Variants in RARB observed in about 807,000 individuals in gnomAD.
The protein encoded by RARB is retinoic acid receptor beta.
RARB carries 17 observed loss-of-function variants against 51.9 expected under a neutral mutation model. That is an observed-to-expected ratio of 0.33 (90% confidence interval 0.22 to 0.49). The LOEUF (loss-of-function observed/expected upper bound fraction) is 0.49. RARB is among the 20% of genes least tolerant of loss of function. The pLI is 0.99. For synonymous variants in RARB, 215 were observed against 195.4 expected (o/e 1.10, Z -0.84); for missense variants, 369 against 550.8 (o/e 0.67, Z 3.30).
At chr3:24,910,506 A>G (rs1364941294) in intron 2 of RARB, among the ~76,000 whole-genome samples, 2 of 152,228 alleles carry the variant, frequency 1.3e-5, no homozygotes, top group Non-Finnish European at 2.9e-5. Context: ...TGTGTTTACA[A>G]AGGAGAGCTG....
chr3:25,570,488 C>T (rs1700666657), intron 4 of RARB, among the ~76,000 whole-genome samples: 1 of 152,190 alleles, frequency 6.6e-6, no homozygotes. Context: ...TAGGCATGCC[C>T]CATGCCCAGT....
intron 2 of RARB, among the ~76,000 whole-genome samples, chr3:24,985,349 GTTTT>G (rs10715822): frequency 7.6e-6 from 1 of 131,272 alleles, no homozygotes. Context: ...TGGTTTTTTT[GTTTT>G]TTTTTTTTTT....
intron 2 of RARB, among the ~76,000 whole-genome samples, chr3:24,957,243 G>A (rs1003790394): frequency 7.2e-5 from 11 of 152,176 alleles, no homozygotes; most frequent in African/African-American, 2.7e-4. Context: ...TATTCTAGCA[G>A]CCTGGAAAGT....
At chr3:24,877,263 C>T (rs923980233) in intron 2 of RARB, among the ~76,000 whole-genome samples, 14 of 148,036 alleles carry the variant, frequency 9.5e-5, no homozygotes, top group African/African-American at 2.0e-4. Context: ...AGGATAAATA[C>T]ATTAAACTCT....
chr3:24,944,380 C>T (rs1383808829), intron 2 of RARB, among the ~76,000 whole-genome samples: 7 of 152,192 alleles, frequency 4.6e-5, no homozygotes, highest in Non-Finnish European at 1.5e-5. Context: ...AAATAGCTAA[C>T]ATTGATAGAG....
At chr3:25,403,521 G>A (rs1211443523) in intron 5 of RARB, among the ~76,000 whole-genome samples, 1 of 152,190 alleles carries the variant, frequency 6.6e-6, no homozygotes, top group Non-Finnish European at 1.5e-5. Flanking sequence ...AAGCACTAGT[G>A]TTAAATCTGA....
chr3:25,180,522 G>A lies in RARB; in HGVS notation c.178+5947G>A, dbSNP rs142121919. On this transcript the variant is annotated intron_variant, in intron 5 of 11. Transcript: ENST00000383772. The stretch of plus-strand genomic sequence containing the variant: ...ATTTCAAATAGGTTATATTCAGATG[G>A]CCTTGAGCGATGGGAGATTAGCCTC... Among the ~76,000 whole-genome samples, 373 of 152,322 alleles carry A rather than the reference G, an allele frequency of 2.4e-3. 3 individuals are homozygous for A. Among genetic ancestry groups the A allele is most frequent in the Admixed American group, 4.6e-3 (70 of 15,300 alleles).
intron 3 of RARB, among the ~76,000 whole-genome samples, chr3:25,545,207 A>ACAT (rs1699571231): frequency 1.3e-5 from 2 of 151,966 alleles, no homozygotes; most frequent in South Asian, 4.2e-4. Context: ...AGCCCCACAA[A>ACAT]GCTGTGGGAT....
chr3:25,555,713 C>G (rs954314339), intron 3 of RARB: 8 of 152,176 alleles, frequency 5.3e-5, no homozygotes, highest in African/African-American at 1.9e-4. Flanking sequence ...CACTGTCTTA[C>G]TGGTACTGAT....
chr3:25,014,693 T>C (rs999083607), intron 2 of RARB, among the ~76,000 whole-genome samples: 1 of 152,132 alleles, frequency 6.6e-6, no homozygotes, highest in Non-Finnish European at 1.5e-5. Context: ...TGGGATAGTT[T>C]TCTATCCAGC....
chr3:25,251,331 T>G (rs1224159131), intron 5 of RARB, among the ~76,000 whole-genome samples: 1 of 152,142 alleles, frequency 6.6e-6, no homozygotes, highest in Admixed American at 6.6e-5. Context: ...GCTATAAATA[T>G]TTGTGTACAA....
chr3:25,555,048 G>A (rs1041029694), intron 3 of RARB, among the ~76,000 whole-genome samples: 2 of 152,210 alleles, frequency 1.3e-5, no homozygotes, highest in Non-Finnish European at 2.9e-5. Flanking sequence ...CCACATTGCG[G>A]ATTAAGTTTC....
At chr3:25,452,769 T>C (rs1709251307) in intron 1 of RARB, among the ~76,000 whole-genome samples, 1 of 152,212 alleles carries the variant, frequency 6.6e-6, no homozygotes, top group African/African-American at 2.4e-5. Flanking sequence ...TCTAAGGTGC[T>C]CAGTTCTCCC....
At chr3:25,142,970 G>T (rs575968529) in intron 4 of RARB, among the ~76,000 whole-genome samples, 1 of 152,276 alleles carries the variant, frequency 6.6e-6, no homozygotes, top group Non-Finnish European at 1.5e-5. Context: ...TTAAAAAAAA[G>T]TCACAGTAGT....
At chr3:25,340,410 T>G (rs972786715) in intron 5 of RARB, among the ~76,000 whole-genome samples, 1 of 152,166 alleles carries the variant, frequency 6.6e-6, no homozygotes, top group South Asian at 2.1e-4. Flanking sequence ...CTTTAAAATT[T>G]TGAGTCCATT....
At chr3:25,167,116 C>G (rs1032498207) in intron 4 of RARB, among the ~76,000 whole-genome samples, 1 of 152,174 alleles carries the variant, frequency 6.6e-6, no homozygotes, top group African/African-American at 2.4e-5. Context: ...ACCGTTTCCT[C>G]ATAGTTAAAA....
At position 25,022,079 on chromosome 3, in the gene RARB, A is replaced by G. The variant is rs370576476; in HGVS notation, c.-379-38046A>G. On this transcript the variant is annotated intron_variant, in intron 2 of 11. Transcript: ENST00000383772. The stretch of plus-strand genomic sequence containing the variant: ...TAAAATCCTAAGAGAGATAAGTGCA[A>G]CAAAGAACAAGTTTTTATTACTGCC... 5.4e-4 allele frequency among the ~76,000 whole-genome samples: 82 copies of G among 152,340 alleles called. 1 individual carries two copies. Among genetic ancestry groups the G allele is most frequent in the African/African-American group, 1.9e-3 (79 of 41,588 alleles).
Position 25,428,813 on chromosome 3 carries a change from C to G in RARB, c.82C>G (p.Leu28Val). The change falls in exon 1 of 8, where the codon CTC (leucine) becomes GTC (valine). Residue 28 changes from leucine to valine, a missense_variant. Leu to Val is a conservative substitution (Grantham distance 32, BLOSUM62 1). Around this residue, in one of 9 missense-constraint regions of RARB, gnomAD observed 99 missense variants for 95.1 expected, o/e 1.04. Coordinates refer to ENST00000330688, the MANE Select transcript of RARB (RefSeq NM_000965.5). ...CACTGCGAGTCCGTCTTCCTGCATG[C>G]TCCAGGAGAAAGCTCTCAAAGCATG... ...FYTASPSSCM[L>V]QEKALKACFS... The G allele has an allele frequency of 6.2e-7, 1 of 1,614,154 alleles. No individual in the cohort carries two copies. Among genetic ancestry groups the G allele is most frequent in the Non-Finnish European group, 8.5e-7 (1 of 1,180,030 alleles).
chr3:24,862,992 A>G (rs988527126), intron 2 of RARB, among the ~76,000 whole-genome samples: 2 of 152,174 alleles, frequency 1.3e-5, no homozygotes, highest in African/African-American at 4.8e-5. Flanking sequence ...CTTGGATGGA[A>G]ACAATAATGC....
Sources: gnomAD v4.1 joint callset for allele counts (sites outside exome capture counted in the v4.1 genomes callset) on GRCh38, gnomAD v4.1.1 for gene constraint, gnomAD v4.1.1 regional missense constraint, MANE v1.5 for transcripts, NCBI Gene and HGNC (gene_info 2026-07-23, HGNC 2026-07-21) for gene names.